The following FXYD3 variants were observed in gnomAD, a reference collection of about 807,000 sequenced individuals.
FXYD3 encodes FXYD domain containing ion transport regulator 3, also known as FXYD domain-containing ion transport regulator 3.
FXYD3 carries 13 observed loss-of-function variants against 19.2 expected under a neutral mutation model. The observed-to-expected ratio is 0.68, with a 90% CI of 0.44 to 1.08. The LOEUF (loss-of-function observed/expected upper bound fraction) is 1.08, where lower values mean the gene tolerates loss of function less well. FXYD3 is among the 50% of genes least tolerant of loss of function. The pLI, the probability that FXYD3 is intolerant of heterozygous loss-of-function variation, is 0.00. For missense variants in FXYD3, 101 were observed against 109.4 expected (o/e 0.92, Z 0.34); for synonymous variants, 48 against 38.9 (o/e 1.23, Z -0.87).
chr19:35,120,660 G>A (rs950507461), intron 3 of FXYD3, among the ~76,000 whole-genome samples: 1 of 152,232 alleles, frequency 6.6e-6, no homozygotes, highest in East Asian at 1.9e-4. Flanking sequence ...ACCAGACCAG[G>A]TGGGTGTGGA....
intron 3 of FXYD3, 72 bp downstream of exon 3, chr19:35,119,488 C>T (rs979426193): frequency 5.0e-6 from 7 of 1,397,984 alleles, no homozygotes; most frequent in Non-Finnish European, 7.1e-6. Flanking sequence ...CTGTCTCTCT[C>T]CTGTGCTTTT....
intron 3 of FXYD3, 167 bp downstream of exon 3, chr19:35,119,583 C>T (rs548270765): frequency 3.1e-5 from 19 of 611,774 alleles, no homozygotes; most frequent in Non-Finnish European, 4.7e-5. Context: ...CGGGGATACA[C>T]GAGAAGAGCT....
chr19:35,121,426 T>C, intron 5 of FXYD3, 181 bp downstream of exon 5: 1 of 1,522,120 alleles, frequency 6.6e-7, no homozygotes, highest in Non-Finnish European at 8.8e-7. Flanking sequence ...CAACCTGGCC[T>C]TTGGGAAGGT....
rs922629819 is a variant in FXYD3, at chr19:35,123,674, C to T, written c.*217C>T. On this transcript the variant is annotated 3_prime_UTR_variant, in exon 9 of 9. Coordinates refer to ENST00000604404, the MANE Select transcript of FXYD3 (RefSeq NM_005971.4). Reference sequence around the variant, plus strand: ...TCTGCCCAAGCAGCCTGGAGACTTCCTATGTGTGCATTGGGGTGGGGCTTG... The same window carrying T: ...TCTGCCCAAGCAGCCTGGAGACTTCTTATGTGTGCATTGGGGTGGGGCTTG... The T allele has an allele frequency of 1.7e-6, 1 of 600,262 alleles. No homozygotes were observed. Among genetic ancestry groups the T allele is most frequent in the African/African-American group, 1.9e-5 (1 of 53,878 alleles). The allele number at this position is 600,262 out of a possible 1,614,324, so 37.2% of individuals were successfully genotyped here.
At position 35,123,554 on chromosome 19, in the gene FXYD3, C is replaced by A; in HGVS notation, c.*97C>A. The A allele has an allele frequency of 7.6e-7, 1 of 1,319,162 alleles. No individual in the cohort carries two copies. The allele number at this position is 1,319,162 out of a possible 1,614,324, so 81.7% of individuals were successfully genotyped here. ...TGAACTCCAGGATGGAATTCTTCCTCCTCTGCTGGGACTCCTTTGCATGGC... is the reference window on the plus strand; with the variant it reads ...TGAACTCCAGGATGGAATTCTTCCTACTCTGCTGGGACTCCTTTGCATGGC... On this transcript the variant is annotated 3_prime_UTR_variant, in exon 9 of 9. Transcript: ENST00000604404.
intron 2 of FXYD3, 110 bp downstream of exon 2, chr19:35,116,469 C>A (rs1324826801): frequency 1.0e-6 from 1 of 985,284 alleles, no homozygotes; most frequent in African/African-American, 1.7e-5. Flanking sequence ...TGTTAAAGCG[C>A]CTAAAATCTT....
At chr19:35,122,007 AC>A (rs1349989272) in intron 5 of FXYD3, among the ~76,000 whole-genome samples, 1 of 145,250 alleles carries the variant, frequency 6.9e-6, no homozygotes, top group Admixed American at 6.8e-5. Context: ...ATTTTTGTAT[AC>A]TTTGTAGAGA....
At chr19:35,123,158 C>T (rs2065086785) in intron 7 of FXYD3, 113 bp from the exon 8 acceptor site, 1 of 1,499,610 alleles carries the variant, frequency 6.7e-7, no homozygotes, top group Admixed American at 2.4e-5. Flanking sequence ...TTGCACAACC[C>T]CCCAAATGGA....
At chr19:35,118,942 C>A (rs1384026118) in intron 2 of FXYD3, among the ~76,000 whole-genome samples, 1 of 152,232 alleles carries the variant, frequency 6.6e-6, no homozygotes, top group Non-Finnish European at 1.5e-5. Flanking sequence ...CCCAAACACC[C>A]CAAGGCCCTG....
At chr19:35,116,080 C>T (rs2145304062) in intron 1 of FXYD3, 121 bp downstream of exon 1, 1 of 231,892 alleles carries the variant, frequency 4.3e-6, no homozygotes, top group East Asian at 1.8e-4. Context: ...AAGCTCCTCC[C>T]TTAATTCCAG....
chr19:35,121,312 T>C lies in FXYD3; in HGVS notation c.97+67T>C, dbSNP rs748330462. 21 of 1,613,986 alleles carry C rather than the reference T, an allele frequency of 1.3e-5. No homozygotes were observed. The Admixed American group carries it at 1.7e-4, about 13-fold the overall frequency. On this transcript the variant is annotated intron_variant, in intron 5 of 8. Transcript: ENST00000604404. Reference sequence around the variant, plus strand: ...TACTGCTTGGTGCCAAGGGTTCCCATACAGGGTTGGGGCCTGACGTGAGCA... The same window carrying C: ...TACTGCTTGGTGCCAAGGGTTCCCACACAGGGTTGGGGCCTGACGTGAGCA...
rs567643585 is a variant in FXYD3, at chr19:35,123,494, T to C, written c.*37T>C. On this transcript the variant is annotated 3_prime_UTR_variant, in exon 9 of 9. Transcript: ENST00000604404. The stretch of plus-strand genomic sequence containing the variant: ...CAGCTGAAATTGGGTGGAGGACCGT[T>C]CTCTGTCCCCAGGTCCTGTCTCTGC... 17 of 1,612,050 alleles carry C rather than the reference T, an allele frequency of 1.1e-5. No individual in the cohort carries two copies. The South Asian group carries it at 1.8e-4, about 17-fold the overall frequency.
chr19:35,123,466 G>A lies in FXYD3; in HGVS notation c.*9G>A. On this transcript the variant is annotated 3_prime_UTR_variant, in exon 9 of 9. Transcript: ENST00000604404. ...GCTCAGCCCAAAGCTGATGAGGACA[G>A]ACCAGCTGAAATTGGGTGGAGGACC... 1 of 1,614,104 alleles carries A rather than the reference G, an allele frequency of 6.2e-7. No homozygotes were observed. Among genetic ancestry groups the A allele is most frequent in the South Asian group, 1.1e-5 (1 of 91,074 alleles).
Position 35,116,332 on chromosome 19 carries a change from C to CCT in FXYD3, c.-39_-38dup. 1 of 985,492 alleles carries CCT rather than the reference C, an allele frequency of 1.0e-6. No homozygotes were observed. Among genetic ancestry groups the CCT allele is most frequent in the Non-Finnish European group, 1.2e-6 (1 of 829,978 alleles). The allele number at this position is 985,492 out of a possible 1,614,324, so 61.0% of individuals were successfully genotyped here. On this transcript the variant is annotated 5_prime_UTR_variant, in exon 2 of 9. Transcript: ENST00000604404. ...CCTGGCAGCCCGATTTCTCCCGGAA[C>CCT]CTCTGCTCAGCCTGGTGAACCACAC...
At chr19:35,121,528 A>G in intron 5 of FXYD3, 1 of 1,415,942 alleles carries the variant, frequency 7.1e-7, no homozygotes, top group Non-Finnish European at 9.2e-7. Context: ...AGAAGTGTTG[A>G]CTTGAGAAAA....
chr19:35,119,103 C>T, intron 2 of FXYD3: 4 of 1,185,880 alleles, frequency 3.4e-6, no homozygotes, highest in East Asian at 2.5e-5. Flanking sequence ...TGTTTGGTTG[C>T]GGGGCGATTC....
chr19:35,118,992 T>G (rs1196926998), intron 2 of FXYD3, among the ~76,000 whole-genome samples: 1 of 152,214 alleles, frequency 6.6e-6, no homozygotes, highest in African/African-American at 2.4e-5. Flanking sequence ...GAGCCAGGCC[T>G]GGCTTAAATC....
intron 5 of FXYD3, chr19:35,121,723 T>A: frequency 4.9e-6 from 1 of 204,804 alleles, no homozygotes; most frequent in Non-Finnish European, 9.4e-6. Flanking sequence ...TTCCTCTGCC[T>A]GGAACACTTC....
chr19:35,116,823 C>T (rs537541784), intron 2 of FXYD3: 4 of 985,128 alleles, frequency 4.1e-6, no homozygotes, highest in Non-Finnish European at 4.8e-6. Flanking sequence ...TGGGTGGACT[C>T]GGGGTGTCCA....
Sources: allele counts gnomAD v4.1 joint callset (sites outside exome capture counted in the v4.1 genomes callset), GRCh38; gene constraint gnomAD v4.1.1; transcripts MANE v1.5; gene names NCBI Gene and HGNC (gene_info 2026-07-23, HGNC 2026-07-21).